TENM3: variants seen among roughly 807,000 people sequenced by gnomAD.
The protein encoded by TENM3 is teneurin-3.
Under a neutral mutation model 255.1 loss-of-function variants are expected in TENM3, and 63 were observed. The observed-to-expected ratio is 0.25, with a 90% CI of 0.20 to 0.30. The LOEUF (loss-of-function observed/expected upper bound fraction) is 0.30, where lower values mean the gene tolerates loss of function less well. Among genes scored for constraint, TENM3 ranks in the 10% least tolerant of loss-of-function variants. TENM3 has a pLI of 1.00. For missense variants in TENM3, 2,929 were observed against 3,461.1 expected (o/e 0.85, Z 3.86); for synonymous variants, 1,306 against 1,322.3 (o/e 0.99, Z 0.27).
chr4:182,511,287 C>T (rs562986959), intron 3 of TENM3, among the ~76,000 whole-genome samples: 7 of 152,222 alleles, frequency 4.6e-5, no homozygotes, highest in Middle Eastern at 3.4e-3. Flanking sequence ...TAAAAATAAA[C>T]GTGTTTTGAG....
At chr4:182,172,375 G>A (rs1203619858) in intron 1 of TENM3, among the ~76,000 whole-genome samples, 1 of 152,016 alleles carries the variant, frequency 6.6e-6, no homozygotes, top group Non-Finnish European at 1.5e-5. Flanking sequence ...TATCTAATTC[G>A]GTACCAAAGG....
chr4:182,295,831 A>C (rs1761451968), intron 1 of TENM3, among the ~76,000 whole-genome samples: 1 of 152,222 alleles, frequency 6.6e-6, no homozygotes, highest in Admixed American at 6.5e-5. Context: ...GGAAGACATA[A>C]CTGTTTACCA....
At chr4:181,462,510 A>T in the TENM3 span, among the ~76,000 whole-genome samples, 8 of 152,268 alleles carry the variant, frequency 5.3e-5, no homozygotes, top group African/African-American at 1.7e-4. Context: ...TCTCTCAAGG[A>T]TCAGAATCCT....
the TENM3 span, among the ~76,000 whole-genome samples, chr4:181,628,410 T>C: frequency 1.3e-5 from 2 of 152,248 alleles, no homozygotes; most frequent in African/African-American, 2.4e-5. Flanking sequence ...TCCTTGCCCA[T>C]GCCTATGTCC....
chr4:181,963,152 A>AT, the TENM3 span, among the ~76,000 whole-genome samples: 154 of 152,352 alleles, frequency 1.0e-3, no homozygotes, highest in African/African-American at 3.5e-3. Flanking sequence ...AAATAATTAG[A>AT]TTTGGCCATA....
At chr4:182,551,056 A>T (rs1477977329) in intron 3 of TENM3, among the ~76,000 whole-genome samples, 1 of 152,002 alleles carries the variant, frequency 6.6e-6, no homozygotes, top group Non-Finnish European at 1.5e-5. Context: ...CACTGTCTCT[A>T]CTAAAAAATA....
chr4:181,637,623 C>G, the TENM3 span, among the ~76,000 whole-genome samples: 1 of 152,198 alleles, frequency 6.6e-6, no homozygotes, highest in Non-Finnish European at 1.5e-5. Context: ...CCCTCCTGAC[C>G]TAATTACCTC....
chr4:182,439,789 G>A (rs1295577544), intron 3 of TENM3, among the ~76,000 whole-genome samples: 1 of 152,150 alleles, frequency 6.6e-6, no homozygotes, highest in Non-Finnish European at 1.5e-5. Context: ...TCTGTAACAT[G>A]TATCTTTGTT....
intron 3 of TENM3, among the ~76,000 whole-genome samples, chr4:182,358,088 G>T (rs1170202943): frequency 2.0e-5 from 3 of 151,760 alleles, no homozygotes; most frequent in Non-Finnish European, 4.4e-5. Flanking sequence ...TCTCTGTTTT[G>T]GTACCAGTAC....
At chr4:181,664,483 A>AT in the TENM3 span, among the ~76,000 whole-genome samples, 63 of 126,748 alleles carry the variant, frequency 5.0e-4, no homozygotes, top group African/African-American at 1.8e-3. Context: ...AAATAAAAAA[A>AT]AACAAAACAA....
At chr4:181,526,268 T>TAA in the TENM3 span, among the ~76,000 whole-genome samples, 669 of 145,106 alleles carry the variant, frequency 4.6e-3, 13 homozygotes, top group East Asian at 0.01. Flanking sequence ...GAATCCAAAT[T>TAA]AAAAAAAAAA....
the TENM3 span, among the ~76,000 whole-genome samples, chr4:181,678,955 T>C: frequency 1.3e-5 from 2 of 152,082 alleles, no homozygotes; most frequent in African/African-American, 4.8e-5. Flanking sequence ...TTATTTTGCT[T>C]TAAACTTATT....
At chr4:182,409,441 G>C (rs1166931759) in intron 3 of TENM3, among the ~76,000 whole-genome samples, 1 of 152,190 alleles carries the variant, frequency 6.6e-6, no homozygotes, top group East Asian at 1.9e-4. Flanking sequence ...CATTTTAACT[G>C]TAATAGCCCC....
rs1760573122 is a variant in TENM3 at position 182,730,147 on chromosome 4, A to G, written c.2586-53A>G. Reference sequence around the variant, plus strand: ...GTTGAATTATCTATAAATCATGATAATGTTGGCCTGAAAAGACAGATGTTC... The same window carrying G: ...GTTGAATTATCTATAAATCATGATAGTGTTGGCCTGAAAAGACAGATGTTC... On this transcript the variant is annotated intron_variant, in intron 14 of 27. Coordinates refer to ENST00000511685, the MANE Select transcript of TENM3 (RefSeq NM_001080477.4). 4 of 1,608,576 alleles carry G rather than the reference A, an allele frequency of 2.5e-6. No individual in the cohort carries two copies. In the Admixed American group the frequency reaches 5.0e-5, roughly 20 times the overall value.
chr4:181,957,789 T>G, the TENM3 span, among the ~76,000 whole-genome samples: 1 of 152,168 alleles, frequency 6.6e-6, no homozygotes, highest in South Asian at 2.1e-4. Flanking sequence ...TTTAAAAATT[T>G]GGGTTTTGAT....
chr4:182,017,310 C>T, the TENM3 span, among the ~76,000 whole-genome samples: 2 of 152,206 alleles, frequency 1.3e-5, no homozygotes, highest in African/African-American at 2.4e-5. Flanking sequence ...TGTGAACATA[C>T]AGGTTGGTTG....
the TENM3 span, among the ~76,000 whole-genome samples, chr4:181,777,657 T>C: frequency 0.056 from 8,577 of 152,252 alleles, 449 homozygotes; most frequent in African/African-American, 0.14. Context: ...TCAATGATTA[T>C]TTGGGGTGAA....
At chr4:181,697,636 C>T in the TENM3 span, among the ~76,000 whole-genome samples, 287 of 152,176 alleles carry the variant, frequency 1.9e-3, 2 homozygotes, top group African/African-American at 6.3e-3. Flanking sequence ...TCGTGATCCG[C>T]CTGCCTTGGC....
chr4:182,255,435 C>A (rs1404170402), intron 1 of TENM3, among the ~76,000 whole-genome samples: 1 of 152,172 alleles, frequency 6.6e-6, no homozygotes, highest in Non-Finnish European at 1.5e-5. Flanking sequence ...CGTTCACTCC[C>A]CTAGCATTGT....
Sources: gnomAD v4.1 joint callset for allele counts (sites outside exome capture counted in the v4.1 genomes callset) on GRCh38, gnomAD v4.1.1 for gene constraint, MANE v1.5 for transcripts, NCBI Gene and HGNC (gene_info 2026-07-23, HGNC 2026-07-21) for gene names.